CCDC141: variants seen among roughly 807,000 people sequenced by gnomAD.
The protein encoded by CCDC141 is coiled-coil domain-containing protein 141.
CCDC141 carries 168 observed loss-of-function variants against 181.0 expected under a neutral mutation model. The observed-to-expected ratio is 0.93, with a 90% confidence interval of 0.82 to 1.05. The LOEUF (loss-of-function observed/expected upper bound fraction) is 1.05, where lower values mean the gene tolerates loss of function less well. Among genes scored for constraint, CCDC141 ranks in the 50% least tolerant of loss-of-function variants. The probability of loss-of-function intolerance (pLI) is 0.00; values close to 1 mark genes in which losing one functional copy is unlikely to be tolerated. For synonymous variants in CCDC141, 666 were observed against 642.3 expected (o/e 1.04, Z -0.56); for missense variants, 1,902 against 1,788.5 (o/e 1.06, Z -1.14).
chr2:178,950,260 T>C (rs2154377847), intron 5 of CCDC141, among the ~76,000 whole-genome samples: 1 of 152,300 alleles, frequency 6.6e-6, no homozygotes, highest in South Asian at 2.1e-4. Flanking sequence ...TGTTTTCAAT[T>C]GTAGTTGATG....
intron 19 of CCDC141, among the ~76,000 whole-genome samples, chr2:178,854,463 G>A (rs897256379): frequency 2.0e-5 from 3 of 152,172 alleles, no homozygotes; most frequent in African/African-American, 7.2e-5. Flanking sequence ...GGCAGAGCTT[G>A]CAGTGAGTCG....
intron 8 of CCDC141, among the ~76,000 whole-genome samples, chr2:178,904,477 T>C (rs1687865287): frequency 6.6e-6 from 1 of 152,156 alleles, no homozygotes; most frequent in Non-Finnish European, 1.5e-5. Context: ...AATAAAATGA[T>C]TTTATCACAT....
At chr2:178,896,002 G>T (rs1687387081) in intron 8 of CCDC141, among the ~76,000 whole-genome samples, 1 of 152,154 alleles carries the variant, frequency 6.6e-6, no homozygotes, top group Non-Finnish European at 1.5e-5. Context: ...GGTGGTTTCA[G>T]CCCTGAGTTG....
chr2:178,818,355 G>T, the CCDC141 span, among the ~76,000 whole-genome samples: 256 of 152,216 alleles, frequency 1.7e-3, 2 homozygotes, highest in Non-Finnish European at 1.9e-3. Context: ...TGCCATGGTG[G>T]TTTGCTGCAC....
intron 22 of CCDC141, among the ~76,000 whole-genome samples, chr2:178,840,354 C>T (rs1301658599): frequency 6.6e-6 from 1 of 152,230 alleles, no homozygotes; most frequent in Non-Finnish European, 1.5e-5. Flanking sequence ...ATGACTTCTT[C>T]AGGTAACCTA....
intron 7 of CCDC141, among the ~76,000 whole-genome samples, chr2:178,914,512 C>T (rs1309367130): frequency 1.3e-5 from 2 of 152,192 alleles, no homozygotes; most frequent in Non-Finnish European, 2.9e-5. Context: ...GACACTTCCT[C>T]TGGGTGAGAA....
chr2:178,898,912 A>G (rs1687543352), intron 8 of CCDC141, among the ~76,000 whole-genome samples: 1 of 152,160 alleles, frequency 6.6e-6, no homozygotes, highest in Non-Finnish European at 1.5e-5. Context: ...TATCTTCCCT[A>G]TTTCAAATAT....
At chr2:178,890,807 T>C (rs1307908929) in intron 8 of CCDC141, among the ~76,000 whole-genome samples, 2 of 152,202 alleles carry the variant, frequency 1.3e-5, no homozygotes, top group Non-Finnish European at 2.9e-5. Flanking sequence ...ATGGGAAATA[T>C]AGATTATAGA....
At chr2:178,958,960 T>C (rs1027474748) in intron 5 of CCDC141, among the ~76,000 whole-genome samples, 5 of 151,974 alleles carry the variant, frequency 3.3e-5, no homozygotes, top group Non-Finnish European at 5.9e-5. Context: ...AATACTTCTC[T>C]GTATGATAAA....
intron 22 of CCDC141, 54 bp downstream of exon 22, chr2:178,845,572 C>T (rs1684899213): frequency 2.1e-6 from 2 of 971,414 alleles, no homozygotes; most frequent in East Asian, 2.4e-5. Flanking sequence ...TGGACAATGA[C>T]TTTAACCTCA....
chr2:178,861,076 C>A (rs1685594672), intron 17 of CCDC141, among the ~76,000 whole-genome samples: 1 of 152,066 alleles, frequency 6.6e-6, no homozygotes, highest in African/African-American at 2.4e-5. Flanking sequence ...CAGATGGACC[C>A]AGGATGGGGC....
chr2:178,945,215 G>T (rs1205903461), intron 5 of CCDC141, among the ~76,000 whole-genome samples: 1 of 152,066 alleles, frequency 6.6e-6, no homozygotes, highest in Non-Finnish European at 1.5e-5. Context: ...AATAGCAAAG[G>T]ACTTGAAATA....
At chr2:178,984,391 G>A (rs1691605296) in intron 2 of CCDC141, among the ~76,000 whole-genome samples, 1 of 151,598 alleles carries the variant, frequency 6.6e-6, no homozygotes. Flanking sequence ...TCGAGACTAG[G>A]AAGAAACTGC....
chr2:179,007,237 C>G (rs562774963), intron 2 of CCDC141, among the ~76,000 whole-genome samples: 2 of 152,304 alleles, frequency 1.3e-5, no homozygotes, highest in Admixed American at 6.5e-5. Flanking sequence ...TGTAGACAGA[C>G]TGTCCATGAG....
At position 178,856,237 on chromosome 2, in the gene CCDC141, A is replaced by G; in HGVS notation, c.2865+20T>C. On this transcript the variant is annotated intron_variant, in intron 18 of 23. Coordinates refer to ENST00000443758, the MANE Select transcript of CCDC141 (RefSeq NM_173648.4). ...CATGCATACACATGCGCACATATAC[A>G]AACCATACTTTCTTGTTACCTGCAT... 6.3e-7 allele frequency: 1 copy of G among 1,593,380 alleles called. No homozygotes were observed. The highest frequency in any genetic ancestry group is 8.5e-7 in the Non-Finnish European group (1 of 1,169,810).
intron 2 of CCDC141, among the ~76,000 whole-genome samples, chr2:179,003,880 TAAA>T (rs1437063763): frequency 6.6e-6 from 1 of 152,190 alleles, no homozygotes; most frequent in Non-Finnish European, 1.5e-5. Context: ...TTTTTCAGAA[TAAA>T]AACGCAATCA....
intron 7 of CCDC141, among the ~76,000 whole-genome samples, chr2:178,916,511 A>T (rs997943233): frequency 2.6e-5 from 4 of 151,754 alleles, no homozygotes; most frequent in Non-Finnish European, 1.5e-5. Context: ...ATTTTACTTA[A>T]TAATATAGTA....
chr2:179,014,448 G>A (rs1006632925), intron 2 of CCDC141, among the ~76,000 whole-genome samples: 2 of 152,060 alleles, frequency 1.3e-5, no homozygotes, highest in African/African-American at 4.8e-5. Flanking sequence ...AAGAGCTTTT[G>A]CACGGCAAAA....
intron 2 of CCDC141, among the ~76,000 whole-genome samples, chr2:179,000,090 ACACACAC>A (rs1265824244): frequency 2.7e-5 from 4 of 150,490 alleles, no homozygotes; most frequent in Non-Finnish European, 5.9e-5. Context: ...ACACACACAC[ACACACAC>A]AATTAGAATC....
Sources: gnomAD v4.1 joint callset for allele counts (sites outside exome capture counted in the v4.1 genomes callset) on GRCh38, gnomAD v4.1.1 for gene constraint, MANE v1.5 for transcripts, NCBI Gene and HGNC (gene_info 2026-07-23, HGNC 2026-07-21) for gene names.